RELN: variants seen among roughly 807,000 people sequenced by gnomAD.
The protein encoded by RELN is reelin.
A neutral mutation model predicts 427.6 loss-of-function variants in RELN; 108 were observed. That is an observed-to-expected ratio of 0.25 (90% CI 0.22 to 0.30). The LOEUF is 0.30. RELN is among the 10% of genes least tolerant of loss of function. The pLI is 1.00. For missense variants in RELN, 3,715 were observed against 4,302.8 expected, an observed-to-expected ratio of 0.86 and a Z score of 3.82; for synonymous variants, 1,524 against 1,513.4, an observed-to-expected ratio of 1.01 and a Z score of -0.16.
At chr7:103,859,229 A>G (rs1794016227) in intron 2 of RELN, among the ~76,000 whole-genome samples, 1 of 152,212 alleles carries the variant, frequency 6.6e-6, no homozygotes, top group Non-Finnish European at 1.5e-5. Context: ...CAAAGAATGG[A>G]CACTTCAGTG....
At chr7:103,481,418 C>T (rs1030504148) in intron 63 of RELN, among the ~76,000 whole-genome samples, 2 of 152,150 alleles carry the variant, frequency 1.3e-5, no homozygotes, top group Non-Finnish European at 2.9e-5. Context: ...CCCATTAATG[C>T]AAATTGTATT....
At chr7:103,909,229 C>A (rs1053937693) in intron 2 of RELN, among the ~76,000 whole-genome samples, 2 of 151,988 alleles carry the variant, frequency 1.3e-5, no homozygotes, top group Non-Finnish European at 2.9e-5. Context: ...GCTGCTAATG[C>A]CCTGGGGAGT....
intron 10 of RELN, 26 bp downstream of exon 10, chr7:103,697,827 A>G: frequency 6.2e-7 from 1 of 1,613,310 alleles, no homozygotes; most frequent in South Asian, 1.1e-5. Flanking sequence ...GATTAAAACA[A>G]CCCAAAAACT....
chr7:103,486,312 C>T lies in RELN; in HGVS notation c.9868G>A (p.Val3290Ile). The T allele has an allele frequency of 6.2e-7, 1 of 1,614,200 alleles. No homozygotes were observed. Among genetic ancestry groups the T allele is most frequent in the Non-Finnish European group, 8.5e-7 (1 of 1,180,022 alleles). ...AGCTGCCCACAGCCACTTCCTATGA[C>T]TCCACCTTGAATGGTCTCCCAGTTT... ...EANWETIQGG[V>I]IGSGCGQLAP... The change falls in exon 61 of 65, where the codon GTC becomes ATC. Residue 3290 changes from valine (V) to isoleucine (I), a missense_variant. This residue lies in a region of RELN where 195 missense variants were observed against 281.3 expected (regional missense o/e 0.69). Coordinates refer to ENST00000428762, the MANE Select transcript of RELN (RefSeq NM_005045.4).
chr7:103,904,625 G>A (rs1354208714), intron 2 of RELN, among the ~76,000 whole-genome samples: 2 of 152,158 alleles, frequency 1.3e-5, no homozygotes, highest in Non-Finnish European at 2.9e-5. Context: ...GTTAGGAAAT[G>A]GATGAGTCTC....
At chr7:103,884,814 A>G (rs1372822347) in intron 2 of RELN, among the ~76,000 whole-genome samples, 2 of 152,194 alleles carry the variant, frequency 1.3e-5, no homozygotes, top group African/African-American at 4.8e-5. Flanking sequence ...GAGGAATAGG[A>G]ACACTTTTAC....
At chr7:103,835,953 C>A (rs1510847) in intron 2 of RELN, among the ~76,000 whole-genome samples, 2 of 146,190 alleles carry the variant, frequency 1.4e-5, no homozygotes, top group Non-Finnish European at 3.0e-5. Flanking sequence ...TCTCAATTAC[C>A]CTTTTTTTTT....
intron 2 of RELN, among the ~76,000 whole-genome samples, chr7:103,897,857 G>C (rs1481775597): frequency 6.6e-6 from 1 of 152,002 alleles, no homozygotes; most frequent in Admixed American, 6.6e-5. Flanking sequence ...CTGAAAACTG[G>C]CAAATTTATG....
At chr7:103,593,942 G>A (rs1831479734) in intron 26 of RELN, 60 bp from the exon 27 acceptor site, 1 of 1,317,742 alleles carries the variant, frequency 7.6e-7, no homozygotes, top group Non-Finnish European at 1.1e-6. Flanking sequence ...AACAAGAAAG[G>A]AATTTTCATT....
At chr7:103,739,928 G>A (rs984773570) in intron 6 of RELN, among the ~76,000 whole-genome samples, 1 of 152,174 alleles carries the variant, frequency 6.6e-6, no homozygotes, top group African/African-American at 2.4e-5. Flanking sequence ...CCCTCAGGCT[G>A]GGCTCAAAAC....
chr7:103,504,441 A>G (rs1049837170), intron 51 of RELN: 1 of 152,216 alleles, frequency 6.6e-6, no homozygotes. Context: ...ACTCTTATAA[A>G]AGTTTCAGCT....
chr7:103,907,764 G>GT lies in RELN; in HGVS notation c.337+9310dup, dbSNP rs60768309. Among the ~76,000 whole-genome samples, 1,119 of 150,310 alleles carry GT rather than the reference G, an allele frequency of 7.4e-3. 5 individuals are homozygous for GT. Among genetic ancestry groups the GT allele is most frequent in the Non-Finnish European group, 0.011 (757 of 67,648 alleles). On this transcript the variant is annotated intron_variant, in intron 2 of 64. Transcript: ENST00000428762. ...AACTGGATATGATGTCAGAAAGCCT[G>GT]TTTTTTTTTCTTTTTTAAAAAAAAA... is the stretch of plus-strand genomic sequence containing the variant.
Position 103,718,331 on chromosome 7 carries a change from GCAA to G in RELN, c.805+4806_805+4808del, listed in dbSNP as rs1455918043. ...AAATGATAAAAACAAAAACAAAGCAGCAAAAAAAAAAAAAAAAAATTAAACACA... is the reference window on the plus strand; with the variant it reads ...AAATGATAAAAACAAAAACAAAGCAGAAAAAAAAAAAAAAAATTAAACACA... On this transcript the variant is annotated intron_variant, in intron 8 of 64. Transcript: ENST00000428762. 9.0e-3 allele frequency among the ~76,000 whole-genome samples: 470 copies of G among 52,034 alleles called. 3 individuals carry two copies. Among genetic ancestry groups the G allele is most frequent in the African/African-American group, 0.035 (454 of 12,836 alleles). 34.1% of individuals were successfully genotyped at this position (52,034 alleles called of 152,430 possible).
intron 16 of RELN, among the ~76,000 whole-genome samples, chr7:103,642,978 C>T (rs1832724513): frequency 6.6e-6 from 1 of 152,040 alleles, no homozygotes; most frequent in South Asian, 2.1e-4. Flanking sequence ...TGTTTATATC[C>T]ATATAACTCA....
At chr7:103,952,261 G>A (rs1361175536) in intron 1 of RELN, among the ~76,000 whole-genome samples, 1 of 152,192 alleles carries the variant, frequency 6.6e-6, no homozygotes, top group Non-Finnish European at 1.5e-5. Flanking sequence ...CCTTCAGTCT[G>A]ATTCTTTGGG....
chr7:103,565,361 C>G lies in RELN; in HGVS notation c.5127G>C (p.Leu1709=), dbSNP rs1384247348. 2.5e-6 allele frequency: 4 copies of G among 1,613,934 alleles called. No individual in the cohort carries two copies. The highest frequency in any genetic ancestry group is 2.5e-6 in the Non-Finnish European group (3 of 1,179,984). Residue 1709 remains leucine (L), a synonymous_variant, in exon 34 of 65, where the codon CTG becomes CTC. Transcript: ENST00000428762. ...EECVPPTIGC[L]HYTESSIYTS... ...TGTAAATTGAACTTTCCGTGTAATG[C>G]AGACAGCCAATGGTTGGAGGAACAC...
intron 4 of RELN, among the ~76,000 whole-genome samples, chr7:103,756,034 T>C (rs1214861087): frequency 1.3e-5 from 2 of 152,184 alleles, no homozygotes; most frequent in Non-Finnish European, 2.9e-5. Context: ...AAATATTTAC[T>C]ATGCAATACA....
chr7:103,540,263 A>G lies in RELN; in HGVS notation c.6864T>C (p.Ser2288=). 1 of 1,614,230 alleles carries G rather than the reference A, an allele frequency of 6.2e-7. No individual in the cohort carries two copies. The highest frequency in any genetic ancestry group is 2.2e-5 in the East Asian group (1 of 44,878). Residue 2288 remains serine (S), a synonymous_variant, in exon 44 of 65, where the codon TCT becomes TCC. Coordinates refer to ENST00000428762, the MANE Select transcript of RELN (RefSeq NM_005045.4). ...LEIPLKARSG[S]TRLRWWQPSE... ...ACGGTTGCCACCAGCGAAGGCGAGTAGAACCAGAACGGGCTTTCAAGGGTA... is the reference window on the plus strand; with the variant it reads ...ACGGTTGCCACCAGCGAAGGCGAGTGGAACCAGAACGGGCTTTCAAGGGTA...
At chr7:103,756,685 C>A (rs1010879151) in intron 4 of RELN, among the ~76,000 whole-genome samples, 3 of 152,136 alleles carry the variant, frequency 2.0e-5, no homozygotes, top group African/African-American at 4.8e-5. Context: ...AGCTTCAACA[C>A]CAAGTCAGTA....
Sources: allele counts gnomAD v4.1 joint callset (sites outside exome capture counted in the v4.1 genomes callset), GRCh38; gene constraint gnomAD v4.1.1; regional missense constraint gnomAD v4.1.1; transcripts MANE v1.5; gene names NCBI Gene and HGNC (gene_info 2026-07-23, HGNC 2026-07-21).